The following TRIM25 variants were observed in gnomAD, a reference collection of about 807,000 sequenced individuals.
TRIM25 encodes tripartite motif containing 25, also known as E3 ubiquitin/ISG15 ligase TRIM25.
TRIM25 carries 45 observed loss-of-function variants against 65.2 expected under a neutral mutation model. That is an observed-to-expected ratio of 0.69 (90% confidence interval 0.54 to 0.89). TRIM25 has a LOEUF of 0.89. Among genes scored for constraint, TRIM25 ranks in the 40% least tolerant of loss-of-function variants. The probability of loss-of-function intolerance (pLI) is 0.00; values close to 1 mark genes in which losing one functional copy is unlikely to be tolerated. For missense variants in TRIM25, 714 were observed against 803.7 expected (o/e 0.89, Z 1.35); for synonymous variants, 321 against 340.4 (o/e 0.94, Z 0.63).
intron 2 of TRIM25, among the ~76,000 whole-genome samples, chr17:56,905,287 C>A (rs1416307052): frequency 6.6e-6 from 1 of 152,158 alleles, no homozygotes; most frequent in African/African-American, 2.4e-5. Flanking sequence ...TCGCTTGAAC[C>A]CAGGAGGCAG....
intron 4 of TRIM25, among the ~76,000 whole-genome samples, chr17:56,900,999 A>G (rs1430918857): frequency 1.3e-5 from 2 of 152,150 alleles, no homozygotes; most frequent in East Asian, 3.9e-4. Flanking sequence ...GAGTCAGGAG[A>G]TTGAAAGAAG....
At chr17:56,896,829 G>GAAC (rs1909303709) in intron 5 of TRIM25, among the ~76,000 whole-genome samples, 1 of 152,096 alleles carries the variant, frequency 6.6e-6, no homozygotes, top group Non-Finnish European at 1.5e-5. Context: ...TATTGGTCAG[G>GAAC]CACTGTAGCT....
chr17:56,895,312 G>A, intron 8 of TRIM25, 31 bp downstream of exon 8: 1 of 1,580,504 alleles, frequency 6.3e-7, no homozygotes, highest in Non-Finnish European at 8.7e-7. Flanking sequence ...CAGAACCAGT[G>A]GAACCGCGCA....
chr17:56,894,828 A>T (rs1909253100), intron 8 of TRIM25, among the ~76,000 whole-genome samples: 1 of 152,242 alleles, frequency 6.6e-6, no homozygotes, highest in Admixed American at 6.5e-5. Context: ...GGCACAGTAG[A>T]TGCAGATGCG....
intron 4 of TRIM25, among the ~76,000 whole-genome samples, chr17:56,900,643 G>A (rs1272862626): frequency 6.6e-6 from 1 of 152,202 alleles, no homozygotes; most frequent in African/African-American, 2.4e-5. Context: ...GGAGAGTGGG[G>A]AAGAGCAAAC....
intron 1 of TRIM25, among the ~76,000 whole-genome samples, chr17:56,909,260 G>A (rs577463851): frequency 1.4e-4 from 22 of 152,188 alleles, no homozygotes; most frequent in African/African-American, 3.6e-4. Context: ...TGATATCTAG[G>A]ATGTTCTCTC....
Position 56,913,814 on chromosome 17 carries a change from C to G in TRIM25, c.175G>C (p.Ala59Pro). 6.4e-7 allele frequency: 1 copy of G among 1,564,702 alleles called. No homozygotes were observed. The highest frequency in any genetic ancestry group is 1.4e-5 in the African/African-American group (1 of 73,768). ...LCPQCRAVYQ[A>P]RPQLHKNTVL... ...GTGTTCTTGTGCAGCTGCGGTCGCG[C>G]CTGGTAGACGGCGCGGCACTGCGGG... Residue 59 changes from alanine to proline, a missense_variant, in exon 1 of 9, where the codon GCG (alanine) becomes CCG (proline). Around this residue, in one of 3 missense-constraint regions of TRIM25, gnomAD observed 291 missense variants for 281.8 expected, o/e 1.03. Transcript: ENST00000316881. The surrounding 1 kb of genome is among the most constrained non-coding windows in gnomAD (Gnocchi z 6.1).
chr17:56,899,925 T>G (rs1909376525), intron 4 of TRIM25, among the ~76,000 whole-genome samples: 1 of 152,102 alleles, frequency 6.6e-6, no homozygotes, highest in Non-Finnish European at 1.5e-5. Flanking sequence ...ACAAAAAAAA[T>G]TTTTTAGGCT....
At chr17:56,911,036 G>A (rs1202077097) in intron 1 of TRIM25, among the ~76,000 whole-genome samples, 2 of 152,210 alleles carry the variant, frequency 1.3e-5, no homozygotes, top group East Asian at 1.9e-4. Context: ...AGGCTGAAGT[G>A]GGAGGATCCC....
At chr17:56,904,516 C>A (rs757948880) in intron 2 of TRIM25, 28 bp from the exon 3 acceptor site, 3 of 1,607,098 alleles carry the variant, frequency 1.9e-6, no homozygotes, top group Non-Finnish European at 1.7e-6. Flanking sequence ...AGAGGATGCC[C>A]GTCAAAGGGG....
Position 56,891,114 on chromosome 17 carries a change from G to A in TRIM25, c.*586C>T. The A allele has an allele frequency of 5.5e-6, 2 of 364,634 alleles. No individual in the cohort carries two copies. Among genetic ancestry groups the A allele is most frequent in the Non-Finnish European group, 1.1e-5 (2 of 184,240 alleles). 22.6% of individuals were successfully genotyped at this position (364,634 alleles called of 1,614,324 possible). A position where few individuals can be genotyped will look rare whatever the true frequency, so the allele number is the denominator to read the frequency against. Reference sequence around the variant, plus strand: ...AACGCACTATTTTCCAGTGGAGGAAGAGGGTATGCCTCTTTAGGAAACTGT... The same window carrying A: ...AACGCACTATTTTCCAGTGGAGGAAAAGGGTATGCCTCTTTAGGAAACTGT... On this transcript the variant is annotated 3_prime_UTR_variant, in exon 9 of 9. Transcript: ENST00000316881.
chr17:56,900,344 G>A (rs144505156), intron 4 of TRIM25, among the ~76,000 whole-genome samples: 22 of 152,214 alleles, frequency 1.4e-4, no homozygotes, highest in African/African-American at 2.2e-4. Context: ...CTATAATCAC[G>A]CCATTGCATT....
chr17:56,895,686 A>G, intron 6 of TRIM25, 82 bp from the exon 7 acceptor site: 1 of 1,394,020 alleles, frequency 7.2e-7, no homozygotes, highest in Non-Finnish European at 9.8e-7. Flanking sequence ...AGCCACTTCT[A>G]CAAACACACG....
rs1206050248 is a variant in TRIM25, at chr17:56,913,893, G to T, written c.96C>A (p.Phe32Leu). Residue 32 changes from phenylalanine (F) to leucine (L), a missense_variant, in exon 1 of 9, where the codon TTC becomes TTA. By Grantham distance (22) the Phe-to-Leu change is conservative. Coordinates refer to ENST00000316881, the MANE Select transcript of TRIM25 (RefSeq NM_005082.5). This position sits in a 1 kb window ranked among gnomAD's most constrained non-coding sequence, Gnocchi z 6.1. ...EPVTTPCGHNFCGSCLNETWA... is the reference protein window; with the variant it reads ...EPVTTPCGHNLCGSCLNETWA... Reference sequence around the variant, plus strand: ...ACGTCTCATTCAGGCACGACCCGCAGAAGTTGTGGCCGCACGGAGTGGTGA... The same window carrying T: ...ACGTCTCATTCAGGCACGACCCGCATAAGTTGTGGCCGCACGGAGTGGTGA... 1 of 1,566,136 alleles carries T rather than the reference G, an allele frequency of 6.4e-7. No homozygotes were observed. The highest frequency in any genetic ancestry group is 8.7e-7 in the Non-Finnish European group (1 of 1,155,780).
chr17:56,895,769 C>T (rs2144350621), intron 6 of TRIM25, 157 bp downstream of exon 6: 1 of 1,188,434 alleles, frequency 8.4e-7, no homozygotes, highest in Non-Finnish European at 1.2e-6. Context: ...TTATGCTTGT[C>T]CTCCCCTCCA....
chr17:56,890,695 T>C lies in TRIM25; in HGVS notation c.*1005A>G. The C allele has an allele frequency of 2.2e-6, 1 of 456,446 alleles. No homozygotes were observed. Among genetic ancestry groups the C allele is most frequent in the Non-Finnish European group, 4.4e-6 (1 of 226,886 alleles). The allele number at this position is 456,446 out of a possible 1,614,324, so 28.3% of individuals were successfully genotyped here. A position where few individuals can be genotyped will look rare whatever the true frequency, so the allele number is the denominator to read the frequency against. On this transcript the variant is annotated 3_prime_UTR_variant, in exon 9 of 9. Coordinates refer to ENST00000316881, the MANE Select transcript of TRIM25 (RefSeq NM_005082.5). The stretch of plus-strand genomic sequence containing the variant: ...GTGCTAGCCTCGGTGGTACCTGCAC[T>C]GTCATTCCATATGTCACAATCCAGG...
In TRIM25 at chr17:56,913,833, C is replaced by T; in HGVS notation, c.156G>A (p.Gln52=). 1 of 1,562,846 alleles carries T rather than the reference C, an allele frequency of 6.4e-7. No homozygotes were observed. The highest frequency in any genetic ancestry group is 8.7e-7 in the Non-Finnish European group (1 of 1,153,920). Residue 52 remains glutamine (Q), a synonymous_variant, in exon 1 of 9, where the codon CAG becomes CAA. Transcript: ENST00000316881. This position sits in a 1 kb window ranked among gnomAD's most constrained non-coding sequence, Gnocchi z 6.1. The part of the protein sequence containing the change: ...AVQGSPYLCP[Q]CRAVYQARPQ... ...GTCGCGCCTGGTAGACGGCGCGGCA[C>T]TGCGGGCACAGGTATGGCGAGCCCT... is the stretch of plus-strand genomic sequence containing the variant.
At chr17:56,911,435 C>G (rs1407058364) in intron 1 of TRIM25, among the ~76,000 whole-genome samples, 1 of 152,012 alleles carries the variant, frequency 6.6e-6, no homozygotes. Flanking sequence ...CAAAAATTAG[C>G]TGGGCATGGT....
chr17:56,901,366 C>A, intron 4 of TRIM25, 53 bp downstream of exon 4: 1 of 1,572,980 alleles, frequency 6.4e-7, no homozygotes, highest in Non-Finnish European at 8.7e-7. Context: ...TTTAGGGGAC[C>A]CATCGGGTTG....
Sources: allele counts gnomAD v4.1 joint callset (sites outside exome capture counted in the v4.1 genomes callset), GRCh38; gene constraint gnomAD v4.1.1; regional missense constraint gnomAD v4.1.1; non-coding constraint Gnocchi (gnomAD v3.1); transcripts MANE v1.5; gene names NCBI Gene and HGNC (gene_info 2026-07-23, HGNC 2026-07-21).